Variants in NR3C1 observed in about 807,000 individuals in gnomAD.
NR3C1 encodes the protein glucocorticoid receptor.
In NR3C1, 14 loss-of-function variants were observed where a neutral mutation model predicts 74.0. The ratio of observed to expected loss-of-function variants is 0.19; its 90% CI spans 0.12 to 0.30. NR3C1 has a LOEUF of 0.30. Ranked by LOEUF, NR3C1 falls within the 10% of genes least tolerant of loss-of-function variation. The pLI, the probability that NR3C1 is intolerant of heterozygous loss-of-function variation, is 1.00. For synonymous variants in NR3C1, 308 were observed against 332.5 expected (o/e 0.93, Z 0.80); for missense variants, 695 against 909.8 (o/e 0.76, Z 3.04).
intron 4 of NR3C1, among the ~76,000 whole-genome samples, chr5:143,306,307 T>G (rs1483513148): frequency 6.6e-6 from 1 of 152,190 alleles, no homozygotes; most frequent in African/African-American, 2.4e-5. Context: ...TCATCGAAAC[T>G]GCTTGGCTTA....
At chr5:143,398,529 ATAAC>A (rs897047760) in intron 2 of NR3C1, among the ~76,000 whole-genome samples, 9 of 152,018 alleles carry the variant, frequency 5.9e-5, no homozygotes, top group Non-Finnish European at 1.2e-4. Context: ...AAAAATCTGA[ATAAC>A]TAGTTAATGG....
chr5:143,359,124 A>C (rs933381853), intron 2 of NR3C1, among the ~76,000 whole-genome samples: 24 of 152,332 alleles, frequency 1.6e-4, no homozygotes, highest in African/African-American at 5.8e-4. Context: ...GTTTGGATTT[A>C]AACAGTTTGA....
At chr5:143,362,837 A>G (rs895226064) in intron 2 of NR3C1, among the ~76,000 whole-genome samples, 2 of 152,230 alleles carry the variant, frequency 1.3e-5, no homozygotes, top group Non-Finnish European at 2.9e-5. Context: ...GCTGCCTGAC[A>G]GATAACTGTT....
At chr5:143,313,313 A>G (rs968307258) in intron 3 of NR3C1, among the ~76,000 whole-genome samples, 4 of 152,230 alleles carry the variant, frequency 2.6e-5, no homozygotes. Context: ...GTCTGAATCC[A>G]TAACAAAGTA....
rs112536179 is a variant in NR3C1, at chr5:143,411,788, A to G, written c.-13-10936T>C. On this transcript the variant is annotated intron_variant, in intron 1 of 8. Transcript: ENST00000343796. ...CTGTTAAACATTTACTAACACACTA[A>G]TGGACATAATCTAATTTACTATTTG... is the stretch of plus-strand genomic sequence containing the variant. Among the ~76,000 whole-genome samples the G allele has an allele frequency of 3.3e-3, 495 of 152,240 alleles. 3 individuals are homozygous for G. The highest frequency in any genetic ancestry group is 0.011 in the African/African-American group (459 of 41,540).
At chr5:143,313,619 T>C (rs760984803) in intron 3 of NR3C1, among the ~76,000 whole-genome samples, 7 of 152,172 alleles carry the variant, frequency 4.6e-5, no homozygotes, top group Admixed American at 1.3e-4. Flanking sequence ...TGACTCATTT[T>C]TGCCAGGCCA....
chr5:143,404,123 C>T, upstream of NR3C1: 1 of 985,372 alleles, frequency 1.0e-6, no homozygotes. Flanking sequence ...CGGCAAGCGC[C>T]GCCAGTGCCC....
chr5:143,434,789 G>C (rs1600697623), exon 1 of NR3C1: 1 of 985,338 alleles, frequency 1.0e-6, no homozygotes, highest in East Asian at 1.1e-4. Flanking sequence ...TAACTGCTCT[G>C]AGAGCACCAG....
chr5:143,320,604 G>T (rs1349226631), intron 2 of NR3C1, among the ~76,000 whole-genome samples: 2 of 152,312 alleles, frequency 1.3e-5, no homozygotes, highest in Non-Finnish European at 1.5e-5. Context: ...TGGGTTTGGG[G>T]ATGGAAAAGT....
intron 2 of NR3C1, among the ~76,000 whole-genome samples, chr5:143,336,526 A>T: frequency 1.3e-5 from 2 of 152,066 alleles, no homozygotes; most frequent in Non-Finnish European, 2.9e-5. Context: ...AGGCTCAAAA[A>T]CTGGGGGTAA....
At chr5:143,342,041 C>T (rs1828331643) in intron 2 of NR3C1, among the ~76,000 whole-genome samples, 1 of 151,984 alleles carries the variant, frequency 6.6e-6, no homozygotes, top group South Asian at 2.1e-4. Context: ...TGACAAGTCT[C>T]AGTCTCTCAG....
Position 143,282,728 on chromosome 5 carries a change from A to G in NR3C1, c.2024-3T>C. The G allele has an allele frequency of 1.2e-6, 2 of 1,613,460 alleles. No individual in the cohort carries two copies. The highest frequency in any genetic ancestry group is 1.7e-6 in the Non-Finnish European group (2 of 1,179,750). On this transcript the variant is annotated splice_polypyrimidine_tract_variant and splice_region_variant and intron_variant, in intron 7 of 8. Coordinates refer to ENST00000394464, the MANE Select transcript of NR3C1 (RefSeq NM_000176.3). ...GCTCTTCAGACCGTCCTTAGGAACT[A>G]AAAGGTTAAGATGAAGTCAGTTAAA...
intron 2 of NR3C1, among the ~76,000 whole-genome samples, chr5:143,387,421 T>C (rs1837440677): frequency 6.6e-6 from 1 of 152,228 alleles, no homozygotes. Flanking sequence ...CTCATATATT[T>C]ATGTTATTCT....
intron 2 of NR3C1, among the ~76,000 whole-genome samples, chr5:143,382,856 G>C (rs898190366): frequency 6.6e-6 from 1 of 152,202 alleles, no homozygotes; most frequent in African/African-American, 2.4e-5. Flanking sequence ...TGGGGTGTAT[G>C]CTGACATGAA....
At chr5:143,380,844 T>C (rs746593722) in intron 2 of NR3C1, among the ~76,000 whole-genome samples, 1 of 152,206 alleles carries the variant, frequency 6.6e-6, no homozygotes, top group Non-Finnish European at 1.5e-5. Context: ...TGACAGCTAG[T>C]ATCATACTGA....
rs751852777 is a variant in NR3C1 at position 143,400,743 on chromosome 5, G to C, written c.97C>G (p.Leu33Val). ...ACCTTCACAGTAGCTCCTCCTCTTA[G>C]GGTTTTATAGAAGTCCATCACATCT... ...RGDVMDFYKTLRGGATVKVSA... is the reference protein window; with the variant it reads ...RGDVMDFYKTVRGGATVKVSA... The change falls in exon 2 of 9, where the codon CTA (leucine) becomes GTA (valine). Residue 33 changes from leucine (L) to valine (V), a missense_variant. Leu to Val is a conservative substitution (Grantham distance 32). Transcript: ENST00000394464. 6.2e-7 allele frequency: 1 copy of C among 1,614,174 alleles called. No individual in the cohort carries two copies. Among genetic ancestry groups the C allele is most frequent in the Non-Finnish European group, 8.5e-7 (1 of 1,180,046 alleles).
At chr5:143,417,589 G>A (rs909542726) in intron 1 of NR3C1, among the ~76,000 whole-genome samples, 2 of 152,078 alleles carry the variant, frequency 1.3e-5, no homozygotes, top group African/African-American at 4.8e-5. Context: ...AAAGCATTTA[G>A]CATGGTCTCT....
intron 7 of NR3C1, chr5:143,295,162 C>T (rs1364473149): frequency 5.1e-6 from 5 of 985,210 alleles, no homozygotes; most frequent in Non-Finnish European, 6.0e-6. Context: ...TTTTCCATGT[C>T]TTCCCATGAT....
intron 2 of NR3C1, among the ~76,000 whole-genome samples, chr5:143,318,814 C>T (rs1383845944): frequency 1.3e-5 from 2 of 152,186 alleles, no homozygotes; most frequent in African/African-American, 4.8e-5. Flanking sequence ...GTGGATTATG[C>T]ACCTTCTCAT....
Sources: allele counts gnomAD v4.1 joint callset (sites outside exome capture counted in the v4.1 genomes callset), GRCh38; gene constraint gnomAD v4.1.1; transcripts MANE v1.5; gene names NCBI Gene and HGNC (gene_info 2026-07-23, HGNC 2026-07-21).